AFF1: variants seen among roughly 807,000 people sequenced by gnomAD.
AFF1 encodes the protein AF4/FMR2 family member 1.
A neutral mutation model predicts 121.7 loss-of-function variants in AFF1; 48 were observed. The ratio of observed to expected loss-of-function variants is 0.39; its 90% CI spans 0.31 to 0.50. The LOEUF (loss-of-function observed/expected upper bound fraction) is 0.50, where lower values mean the gene tolerates loss of function less well. Among genes scored for constraint, AFF1 ranks in the 20% least tolerant of loss-of-function variants. The probability of loss-of-function intolerance (pLI) is 0.76; values close to 1 mark genes in which losing one functional copy is unlikely to be tolerated. For missense variants in AFF1, 1,523 were observed against 1,511.7 expected, an observed-to-expected ratio of 1.01 and a Z score of -0.12; for synonymous variants, 613 against 563.0, an observed-to-expected ratio of 1.09 and a Z score of -1.26.
intron 7 of AFF1, among the ~76,000 whole-genome samples, chr4:87,092,352 A>T (rs1724401875): frequency 6.6e-6 from 1 of 152,362 alleles, no homozygotes; most frequent in South Asian, 2.1e-4. Flanking sequence ...TACTAAACAA[A>T]TGCAGTGTGG....
chr4:86,996,803 C>G (rs1669106088), intron 2 of AFF1, among the ~76,000 whole-genome samples: 2 of 152,180 alleles, frequency 1.3e-5, no homozygotes, highest in South Asian at 4.1e-4. Context: ...AAAGGTGGAG[C>G]CTTTAAGAGG....
chr4:87,007,253 C>T (rs1200108309), intron 2 of AFF1: 4 of 1,497,280 alleles, frequency 2.7e-6, no homozygotes, highest in Non-Finnish European at 3.5e-6. Flanking sequence ...CGAGGACGCC[C>T]GGGGCTCGAG....
At chr4:87,098,189 CAGATATGGTTAGGGGGTA>C (rs1725066047) in intron 8 of AFF1, among the ~76,000 whole-genome samples, 1 of 152,106 alleles carries the variant, frequency 6.6e-6, no homozygotes. Context: ...TGTATTAACT[CAGATATGGTTAGGGGGTA>C]GCAACGTGGT....
At chr4:87,027,791 T>G (rs913888022) in intron 2 of AFF1, among the ~76,000 whole-genome samples, 25 of 140,292 alleles carry the variant, frequency 1.8e-4, no homozygotes, top group Non-Finnish European at 1.2e-4. Flanking sequence ...TGGGTTTTTT[T>G]TTTTTTTTTT....
intron 2 of AFF1, among the ~76,000 whole-genome samples, chr4:86,971,256 T>C (rs1722925084): frequency 1.3e-5 from 2 of 152,092 alleles, no homozygotes; most frequent in African/African-American, 2.4e-5. Flanking sequence ...TGCTCTGTTT[T>C]TCAGAGGAAG....
chr4:87,074,565 A>G (rs372061538), intron 4 of AFF1, among the ~76,000 whole-genome samples: 3 of 152,330 alleles, frequency 2.0e-5, no homozygotes, highest in East Asian at 3.9e-4. Context: ...TTTGTTTTTC[A>G]TTCAGGTACT....
chr4:87,017,334 A>G (rs1727404552), intron 2 of AFF1, among the ~76,000 whole-genome samples: 2 of 151,092 alleles, frequency 1.3e-5, no homozygotes, highest in South Asian at 4.1e-4. Context: ...GCATTTGATT[A>G]TTAGAAAATT....
At chr4:86,986,546 G>C (rs1308607123) in intron 2 of AFF1, among the ~76,000 whole-genome samples, 2 of 151,942 alleles carry the variant, frequency 1.3e-5, no homozygotes, top group Non-Finnish European at 2.9e-5. Context: ...ACATGTTAAA[G>C]GACTCTTCTT....
rs1051760809 is a variant in AFF1 at position 86,950,186 on chromosome 4, T to C, written c.38+1615T>C. 2.8e-6 allele frequency: 4 copies of C among 1,404,094 alleles called. No individual in the cohort carries two copies. The African/African-American group carries it at 4.3e-5, about 15-fold the overall frequency. The allele number at this position is 1,404,094 out of a possible 1,614,324, so 87.0% of individuals were successfully genotyped here. A position where few individuals can be genotyped will look rare whatever the true frequency, so the allele number is the denominator to read the frequency against. ...GCCCATGTCTCATCCCGAGGTATTA[T>C]TATTTTTTTAAGACAAAGTTTCGCT... is the stretch of plus-strand genomic sequence containing the variant. On this transcript the variant is annotated intron_variant, in intron 2 of 20. Coordinates refer to ENST00000395146, the MANE Select transcript of AFF1 (RefSeq NM_001166693.3).
intron 2 of AFF1, among the ~76,000 whole-genome samples, chr4:87,028,234 T>C (rs1728723150): frequency 6.6e-6 from 1 of 152,152 alleles, no homozygotes; most frequent in African/African-American, 2.4e-5. Flanking sequence ...ATACTTCTTA[T>C]ATAAGTTGTG....
chr4:87,022,674 ATATG>A (rs1728121529), intron 2 of AFF1, among the ~76,000 whole-genome samples: 4 of 146,550 alleles, frequency 2.7e-5, no homozygotes, highest in South Asian at 4.2e-4. Context: ...GTGTGTATAT[ATATG>A]TGTGTGTATG....
chr4:86,944,538 G>GT (rs1241443910), intron 1 of AFF1, among the ~76,000 whole-genome samples: 1 of 152,126 alleles, frequency 6.6e-6, no homozygotes, highest in South Asian at 2.1e-4. Flanking sequence ...TAGAGATGGG[G>GT]TTTCACCATG....
intron 2 of AFF1, among the ~76,000 whole-genome samples, chr4:87,015,449 A>G (rs1400054193): frequency 6.6e-6 from 1 of 152,222 alleles, no homozygotes; most frequent in Non-Finnish European, 1.5e-5. Flanking sequence ...AAGAATTATT[A>G]ATGTTGTTCA....
chr4:87,105,655 T>C lies in AFF1; in HGVS notation c.1311T>C (p.Ser437=), dbSNP rs748009241. ...SSMLEDDLQL[S]DSEDSDSEQT... ...TGCTCGAAGACGACCTTCAGCTCAG[T>C]GACAGTGAGGACAGTGACAGTGAAC... The change falls in exon 9 of 21, where the codon AGT becomes AGC. Residue 437 remains serine (S), a synonymous_variant. Coordinates refer to ENST00000395146, the MANE Select transcript of AFF1 (RefSeq NM_001166693.3). The C allele has an allele frequency of 6.2e-7, 1 of 1,614,240 alleles. No homozygotes were observed. Among genetic ancestry groups the C allele is most frequent in the Non-Finnish European group, 8.5e-7 (1 of 1,180,042 alleles).
intron 2 of AFF1, among the ~76,000 whole-genome samples, chr4:87,000,314 CA>C (rs1391163151): frequency 2.0e-5 from 3 of 152,130 alleles, no homozygotes; most frequent in Non-Finnish European, 2.9e-5. Context: ...CTAAACTTCT[CA>C]AAACTGTCAC....
intron 2 of AFF1, among the ~76,000 whole-genome samples, chr4:86,955,626 A>G (rs1032195853): frequency 3.9e-5 from 6 of 152,150 alleles, no homozygotes; most frequent in Admixed American, 3.9e-4. Context: ...ATTCTGGGAA[A>G]TTTTTTACTT....
intron 12 of AFF1, among the ~76,000 whole-genome samples, chr4:87,124,718 A>G (rs1728047612): frequency 2.0e-5 from 3 of 152,220 alleles, no homozygotes; most frequent in Admixed American, 2.0e-4. Flanking sequence ...TTAGAAAAAC[A>G]TCAGTGGTCT....
chr4:87,060,858 A>C (rs1291780233), intron 4 of AFF1, among the ~76,000 whole-genome samples: 5 of 48,554 alleles, frequency 1.0e-4, no homozygotes, highest in Non-Finnish European at 1.6e-4. Flanking sequence ...AAAAAAAAAA[A>C]AAAAAAAAAC....
chr4:87,095,386 T>A (rs1316049698), intron 8 of AFF1, among the ~76,000 whole-genome samples: 1 of 152,232 alleles, frequency 6.6e-6, no homozygotes, highest in African/African-American at 2.4e-5. Context: ...CCCAAAGTGT[T>A]GGGATTACAG....
Sources: allele counts gnomAD v4.1 joint callset (sites outside exome capture counted in the v4.1 genomes callset), GRCh38; gene constraint gnomAD v4.1.1; transcripts MANE v1.5; gene names NCBI Gene and HGNC (gene_info 2026-07-23, HGNC 2026-07-21).